The following MARCHF6 variants were observed in gnomAD, a reference collection of about 807,000 sequenced individuals.
MARCHF6 encodes E3 ubiquitin-protein ligase MARCHF6.
In MARCHF6, 31 loss-of-function variants were observed where a neutral mutation model predicts 133.7. The observed-to-expected ratio is 0.23, with a 90% CI of 0.17 to 0.31. MARCHF6 has a LOEUF of 0.31. Among genes scored for constraint, MARCHF6 ranks in the 10% least tolerant of loss-of-function variants. The pLI, the probability that MARCHF6 is intolerant of heterozygous loss-of-function variation, is 1.00. For synonymous variants in MARCHF6, 395 were observed against 402.5 expected, an observed-to-expected ratio of 0.98 and a Z score of 0.22; for missense variants, 723 against 1,121.6, an observed-to-expected ratio of 0.64 and a Z score of 5.08.
chr5:10,421,289 G>A (rs1739807982), intron 22 of MARCHF6, among the ~76,000 whole-genome samples: 1 of 152,128 alleles, frequency 6.6e-6, no homozygotes, highest in Admixed American at 6.5e-5. Context: ...TCCACCAATA[G>A]AGAATGCCCA....
intron 1 of MARCHF6, among the ~76,000 whole-genome samples, chr5:10,369,609 C>CT (rs1334233366): frequency 4.5e-5 from 1 of 22,220 alleles, no homozygotes. Context: ...CATTACCCCC[C>CT]CCCCCCCTTG....
At chr5:10,369,163 C>T (rs1411379501) in intron 1 of MARCHF6, among the ~76,000 whole-genome samples, 1 of 152,166 alleles carries the variant, frequency 6.6e-6, no homozygotes, top group Admixed American at 6.5e-5. Flanking sequence ...CATTGTACCT[C>T]ATATTTCATT....
chr5:10,402,633 A>G (rs773923134), intron 14 of MARCHF6, 26 bp downstream of exon 14: 2 of 1,567,228 alleles, frequency 1.3e-6, no homozygotes, highest in Admixed American at 1.7e-5. Context: ...ATTATTGTAT[A>G]ATAGCATAAT....
intron 22 of MARCHF6, among the ~76,000 whole-genome samples, chr5:10,420,516 A>G (rs1739771290): frequency 6.6e-6 from 1 of 152,310 alleles, no homozygotes; most frequent in South Asian, 2.1e-4. Context: ...AACAGATACT[A>G]TCTGCCTTTT....
chr5:10,395,255 A>G (rs190917210), intron 9 of MARCHF6, among the ~76,000 whole-genome samples: 12 of 152,358 alleles, frequency 7.9e-5, no homozygotes, highest in African/African-American at 2.9e-4. Context: ...TTGAAAAAGC[A>G]TAAAGGTAAT....
At chr5:10,378,864 T>C (rs1483237315) in intron 3 of MARCHF6, 32 bp downstream of exon 3, 1 of 1,492,680 alleles carries the variant, frequency 6.7e-7, no homozygotes, top group Non-Finnish European at 9.3e-7. Flanking sequence ...ACTGCATTTT[T>C]TTTGGTTATC....
intron 25 of MARCHF6, among the ~76,000 whole-genome samples, chr5:10,431,864 C>T (rs945254144): frequency 2.0e-5 from 3 of 152,240 alleles, no homozygotes; most frequent in East Asian, 1.9e-4. Context: ...TTAGTCATTA[C>T]TGTGTGCCAG....
In MARCHF6 at chr5:10,402,052, T is replaced by C. The variant is rs182376645; in HGVS notation, c.973-7T>C. On this transcript the variant is annotated splice_region_variant and splice_polypyrimidine_tract_variant and intron_variant, in intron 11 of 25. Coordinates refer to ENST00000274140, the MANE Select transcript of MARCHF6 (RefSeq NM_005885.4). ...TTAAATTTTATTTACTTTTTTCTTA[T>C]TTCCAGGTCCAAGCATCTCATTTTG... is the stretch of plus-strand genomic sequence containing the variant. 4 of 1,578,504 alleles carry C rather than the reference T, an allele frequency of 2.5e-6. No homozygotes were observed. The highest frequency in any genetic ancestry group is 3.3e-5 in the Admixed American group (2 of 59,872).
At chr5:10,393,658 A>G (rs995259154) in intron 7 of MARCHF6, among the ~76,000 whole-genome samples, 4 of 152,136 alleles carry the variant, frequency 2.6e-5, no homozygotes, top group African/African-American at 2.4e-5. Context: ...TAGTTTTCCC[A>G]TTACTAAAGA....
In MARCHF6 at chr5:10,414,433, A is replaced by C. The variant is rs752643750; in HGVS notation, c.1897A>C (p.Ile633Leu). 3 of 1,605,606 alleles carry C rather than the reference A, an allele frequency of 1.9e-6. No individual in the cohort carries two copies. The highest frequency in any genetic ancestry group is 1.7e-5 in the Admixed American group (1 of 59,480). Residue 633 changes from isoleucine (I) to leucine (L), a missense_variant and splice_region_variant, in exon 20 of 26, where the codon ATA (isoleucine) becomes CTA (leucine). Ile to Leu is a conservative substitution (Grantham distance 5, BLOSUM62 2). Around this residue, in one of 4 missense-constraint regions of MARCHF6, gnomAD observed 492 missense variants for 699.5 expected, o/e 0.70. Coordinates refer to ENST00000274140, the MANE Select transcript of MARCHF6 (RefSeq NM_005885.4). ...YRRPLNFPLR[I>L]FLLIVFMCIT... ...GCACTCCTTATGTTTTACTTTGCAG[A>C]TATTTCTGTTGATTGTCTTCATGTG...
At chr5:10,378,578 G>A (rs1477467954) in intron 2 of MARCHF6, among the ~76,000 whole-genome samples, 181 bp from the exon 3 acceptor site, 1 of 152,128 alleles carries the variant, frequency 6.6e-6, no homozygotes, top group African/African-American at 2.4e-5. Context: ...TTTATCTCTA[G>A]CTGTTGTAGT....
chr5:10,361,783 G>A (rs1002145125), intron 1 of MARCHF6, among the ~76,000 whole-genome samples: 2 of 150,192 alleles, frequency 1.3e-5, no homozygotes, highest in African/African-American at 4.9e-5. Flanking sequence ...TTTTTTTTGA[G>A]ACGGAGTTTA....
chr5:10,414,832 T>A lies in MARCHF6; in HGVS notation c.1966+330T>A, dbSNP rs189568045. On this transcript the variant is annotated intron_variant, in intron 20 of 25. Coordinates refer to ENST00000274140, the MANE Select transcript of MARCHF6 (RefSeq NM_005885.4). ...ATGTAAATGGTCTTATCCAAGTGATTGTTGTGGGATGCTATAGAGTTTATT... is the reference window on the plus strand; with the variant it reads ...ATGTAAATGGTCTTATCCAAGTGATAGTTGTGGGATGCTATAGAGTTTATT... Among the ~76,000 whole-genome samples the A allele has an allele frequency of 1.8e-3, 281 of 152,380 alleles. 1 individual carries two copies. Among genetic ancestry groups the A allele is most frequent in the Non-Finnish European group, 2.8e-3 (191 of 68,040 alleles).
chr5:10,393,100 A>G (rs765521905), intron 7 of MARCHF6, among the ~76,000 whole-genome samples: 4 of 152,096 alleles, frequency 2.6e-5, no homozygotes, highest in Non-Finnish European at 4.4e-5. Flanking sequence ...CTTTGAGCCA[A>G]GGTCACCTGG....
chr5:10,374,192 C>A (rs1247222935), intron 1 of MARCHF6, among the ~76,000 whole-genome samples: 1 of 152,196 alleles, frequency 6.6e-6, no homozygotes, highest in Non-Finnish European at 1.5e-5. Flanking sequence ...CAATATAGAA[C>A]TCTTTCAAGG....
intron 20 of MARCHF6, 85 bp downstream of exon 20, chr5:10,414,587 G>C: frequency 1.8e-6 from 2 of 1,091,332 alleles, no homozygotes; most frequent in South Asian, 2.7e-5. Context: ...CTGTTCCCCA[G>C]TCTGGAGGGT....
rs2126648069 is a variant in MARCHF6, at chr5:10,362,755, C to G, written c.19+8838C>G. Among the ~76,000 whole-genome samples the G allele has an allele frequency of 1.3e-5, 2 of 152,144 alleles. 1 individual carries two copies. The highest frequency in any genetic ancestry group is 4.1e-4 in the South Asian group (2 of 4,822). On this transcript the variant is annotated intron_variant, in intron 1 of 25. Transcript: ENST00000274140. ...GTTTGTATGTTCTTTGATACTATGT[C>G]AAAACTTGACAAGTGGTAGTTTCTT... is the stretch of plus-strand genomic sequence containing the variant.
At chr5:10,390,247 CT>C in intron 5 of MARCHF6, 84 bp from the exon 6 acceptor site, 1 of 993,600 alleles carries the variant, frequency 1.0e-6, no homozygotes, top group Non-Finnish European at 1.5e-6. Context: ...TTTTCTGAGA[CT>C]TTAGTATAAG....
At chr5:10,375,098 G>T (rs1388591070) in intron 1 of MARCHF6, among the ~76,000 whole-genome samples, 1 of 152,212 alleles carries the variant, frequency 6.6e-6, no homozygotes, top group African/African-American at 2.4e-5. Flanking sequence ...CACTGTGGGA[G>T]CCCCTTTCTG....
Sources: gnomAD v4.1 joint callset for allele counts (sites outside exome capture counted in the v4.1 genomes callset) on GRCh38, gnomAD v4.1.1 for gene constraint, gnomAD v4.1.1 regional missense constraint, MANE v1.5 for transcripts, NCBI Gene and HGNC (gene_info 2026-07-23, HGNC 2026-07-21) for gene names.